The following DOCK3 variants were observed in gnomAD, a reference collection of about 807,000 sequenced individuals.
DOCK3 encodes dedicator of cytokinesis 3, also known as dedicator of cytokinesis protein 3.
Under a neutral mutation model 265.6 loss-of-function variants are expected in DOCK3, and 60 were observed. That is an observed-to-expected ratio of 0.23 (90% CI 0.18 to 0.28). The LOEUF (loss-of-function observed/expected upper bound fraction) is 0.28, where lower values mean the gene tolerates loss of function less well. Among genes scored for constraint, DOCK3 ranks in the 10% least tolerant of loss-of-function variants. The pLI is 1.00. For synonymous variants in DOCK3, 881 were observed against 938.0 expected (o/e 0.94, Z 1.11); for missense variants, 1,981 against 2,594.3 (o/e 0.76, Z 5.14).
intron 7 of DOCK3, among the ~76,000 whole-genome samples, chr3:51,088,348 G>A (rs1341970585): frequency 6.6e-6 from 1 of 152,176 alleles, no homozygotes; most frequent in Non-Finnish European, 1.5e-5. Context: ...GTGTTTGATA[G>A]CACAGTGGGG....
chr3:51,163,436 C>T (rs1023437117), intron 12 of DOCK3, among the ~76,000 whole-genome samples: 3 of 151,694 alleles, frequency 2.0e-5, no homozygotes, highest in Non-Finnish European at 4.4e-5. Flanking sequence ...GAAGCTGAGG[C>T]ATGAAAACTA....
intron 5 of DOCK3, among the ~76,000 whole-genome samples, chr3:50,940,694 A>G (rs945129887): frequency 1.3e-5 from 2 of 152,210 alleles, no homozygotes; most frequent in African/African-American, 4.8e-5. Context: ...CACTTACTGT[A>G]CAGTAATCAA....
At chr3:51,249,214 CCCG>C (rs2079030032) in intron 22 of DOCK3, among the ~76,000 whole-genome samples, 1 of 139,428 alleles carries the variant, frequency 7.2e-6, no homozygotes, top group African/African-American at 2.7e-5. Context: ...GGGTCAGCCC[CCCG>C]CCCGGCCAGC....
At chr3:50,736,913 C>T (rs1418851293) in intron 1 of DOCK3, among the ~76,000 whole-genome samples, 13 of 151,856 alleles carry the variant, frequency 8.6e-5, no homozygotes, top group African/African-American at 2.4e-4. Flanking sequence ...AGGATGGTCT[C>T]GATCTCCTGA....
chr3:51,317,755 A>G (rs1009202765), intron 32 of DOCK3, among the ~76,000 whole-genome samples: 1 of 151,920 alleles, frequency 6.6e-6, no homozygotes, highest in Non-Finnish European at 1.5e-5. Context: ...AAAACATCAT[A>G]TTGTACTCTA....
intron 27 of DOCK3, among the ~76,000 whole-genome samples, chr3:51,282,653 C>CAA (rs1198884358): frequency 2.0e-4 from 16 of 81,490 alleles, no homozygotes; most frequent in African/African-American, 6.0e-4. Context: ...AACTCTGTCT[C>CAA]AAAAAAAAAA....
chr3:50,906,590 C>A (rs2049514566), intron 4 of DOCK3, among the ~76,000 whole-genome samples: 2 of 152,036 alleles, frequency 1.3e-5, no homozygotes, highest in Non-Finnish European at 2.9e-5. Context: ...GTTTGTATTT[C>A]TGTGGGATCG....
At chr3:51,128,324 C>T (rs536954390) in intron 9 of DOCK3, among the ~76,000 whole-genome samples, 2 of 152,258 alleles carry the variant, frequency 1.3e-5, no homozygotes, top group East Asian at 3.9e-4. Flanking sequence ...CATACATGGC[C>T]TTCTAGAGAA....
intron 3 of DOCK3, among the ~76,000 whole-genome samples, chr3:50,855,735 T>C (rs1263470167): frequency 6.6e-6 from 1 of 152,168 alleles, no homozygotes; most frequent in Non-Finnish European, 1.5e-5. Flanking sequence ...GTTTTTTACA[T>C]AGGTAAACAT....
chr3:51,358,485 C>T (rs2086516912), intron 46 of DOCK3, among the ~76,000 whole-genome samples: 1 of 152,140 alleles, frequency 6.6e-6, no homozygotes, highest in Non-Finnish European at 1.5e-5. Context: ...TCTCCCTCCT[C>T]CTCCTCTCTC....
At chr3:51,020,843 T>A (rs1276463802) in intron 5 of DOCK3, among the ~76,000 whole-genome samples, 2 of 151,862 alleles carry the variant, frequency 1.3e-5, no homozygotes, top group Non-Finnish European at 2.9e-5. Flanking sequence ...TGTTTTTGTA[T>A]CAGTACCATG....
chr3:51,181,431 TC>T (rs2087289586), intron 12 of DOCK3, among the ~76,000 whole-genome samples: 2 of 151,946 alleles, frequency 1.3e-5, no homozygotes, highest in South Asian at 4.2e-4. Flanking sequence ...AATGATGGTT[TC>T]CAGCTTCATC....
chr3:51,087,351 G>T (rs2082464505), intron 7 of DOCK3, among the ~76,000 whole-genome samples: 1 of 152,294 alleles, frequency 6.6e-6, no homozygotes, highest in East Asian at 1.9e-4. Context: ...CAATCAGTGT[G>T]ATACATCACA....
chr3:51,327,771 C>T (rs975086173), intron 32 of DOCK3, among the ~76,000 whole-genome samples: 5 of 151,604 alleles, frequency 3.3e-5, no homozygotes, highest in African/African-American at 9.7e-5. Flanking sequence ...CCTCCACCTC[C>T]TGGGTTCAAG....
chr3:50,934,119 G>C (rs776703272), intron 5 of DOCK3, 42 bp downstream of exon 5: 20 of 1,364,680 alleles, frequency 1.5e-5, no homozygotes, highest in Non-Finnish European at 1.9e-5. Flanking sequence ...TTAAAGTTTA[G>C]TGTACCAAGT....
chr3:50,819,732 C>T (rs373598896), intron 2 of DOCK3, among the ~76,000 whole-genome samples: 102 of 152,274 alleles, frequency 6.7e-4, no homozygotes, highest in African/African-American at 2.4e-3. Context: ...GAAGCCAGGG[C>T]AGGTGGATAA....
chr3:51,072,675 T>C (rs566137185), intron 6 of DOCK3, among the ~76,000 whole-genome samples: 1 of 152,220 alleles, frequency 6.6e-6, no homozygotes, highest in Admixed American at 6.5e-5. Context: ...CCCAAAGTGC[T>C]GGAATTATAG....
At chr3:51,008,467 C>T (rs1351323269) in intron 5 of DOCK3, among the ~76,000 whole-genome samples, 1 of 152,166 alleles carries the variant, frequency 6.6e-6, no homozygotes, top group Non-Finnish European at 1.5e-5. Context: ...GTGATTTTTG[C>T]ACATCGATTT....
intron 5 of DOCK3, among the ~76,000 whole-genome samples, chr3:51,017,996 G>A (rs1034687818): frequency 2.0e-5 from 3 of 151,542 alleles, no homozygotes; most frequent in Admixed American, 6.6e-5. Context: ...ATGTTCAAGC[G>A]ATTCTCCTAC....
Sources: gnomAD v4.1 joint callset for allele counts (sites outside exome capture counted in the v4.1 genomes callset) on GRCh38, gnomAD v4.1.1 for gene constraint, MANE v1.5 for transcripts, NCBI Gene and HGNC (gene_info 2026-07-23, HGNC 2026-07-21) for gene names.